UNC13B: variants seen among roughly 807,000 people sequenced by gnomAD.
The protein encoded by UNC13B is protein unc-13 homolog B.
UNC13B carries 144 observed loss-of-function variants against 211.0 expected under a neutral mutation model. The observed-to-expected ratio is 0.68, with a 90% CI of 0.60 to 0.78. The LOEUF is 0.78. UNC13B is among the 30% of genes least tolerant of loss of function. The pLI, the probability that UNC13B is intolerant of heterozygous loss-of-function variation, is 0.00. For missense variants in UNC13B, 1,777 were observed against 2,002.0 expected (o/e 0.89, Z 2.14); for synonymous variants, 709 against 725.8 (o/e 0.98, Z 0.37).
chr9:35,194,798 C>T (rs1473993922), intron 1 of UNC13B, among the ~76,000 whole-genome samples: 5 of 152,192 alleles, frequency 3.3e-5, no homozygotes, highest in Admixed American at 2.0e-4. Context: ...AAATACCCAG[C>T]GTCTGTCATC....
intron 1 of UNC13B, among the ~76,000 whole-genome samples, chr9:35,186,342 A>T (rs907272027): frequency 6.6e-6 from 1 of 152,066 alleles, no homozygotes; most frequent in South Asian, 2.1e-4. Context: ...GCTGAATTCA[A>T]CTCTTCAGGC....
At chr9:35,267,178 T>C (rs1346282668) in intron 7 of UNC13B, among the ~76,000 whole-genome samples, 2 of 152,186 alleles carry the variant, frequency 1.3e-5, no homozygotes, top group Non-Finnish European at 2.9e-5. Context: ...GGCTAGGTGT[T>C]GTGTCTTAGG....
At chr9:35,218,854 A>T (rs1219847501) in intron 1 of UNC13B, among the ~76,000 whole-genome samples, 1 of 151,226 alleles carries the variant, frequency 6.6e-6, no homozygotes, top group East Asian at 1.9e-4. Context: ...GGTTCAAGTG[A>T]TTCTCCTGCC....
chr9:35,287,612 A>G (rs1309188380), intron 7 of UNC13B, among the ~76,000 whole-genome samples: 1 of 152,036 alleles, frequency 6.6e-6, no homozygotes, highest in Admixed American at 6.5e-5. Context: ...CCCACTTCAT[A>G]TAGTCTTTTT....
chr9:35,203,518 A>G (rs1268862515), intron 1 of UNC13B, among the ~76,000 whole-genome samples: 1 of 152,198 alleles, frequency 6.6e-6, no homozygotes, highest in African/African-American at 2.4e-5. Flanking sequence ...AGTTTCTGCC[A>G]AGAGATCTGC....
rs550686103 is a variant in UNC13B, at chr9:35,367,561, G to A, written c.9461+568G>A. On this transcript the variant is annotated intron_variant, in intron 12 of 39. Transcript: ENST00000635942. The stretch of plus-strand genomic sequence containing the variant: ...AATGTGCAATAAATTGTTGTTGACT[G>A]TAGTCACCCTGCTGTGCTATCAATA... Among the ~76,000 whole-genome samples, 26 of 152,204 alleles carry A rather than the reference G, an allele frequency of 1.7e-4. 1 individual carries two copies. In the South Asian group the frequency reaches 5.0e-3, roughly 29 times the overall value.
chr9:35,164,134 A>T (rs1820913328), intron 1 of UNC13B, among the ~76,000 whole-genome samples: 1 of 152,156 alleles, frequency 6.6e-6, no homozygotes, highest in Non-Finnish European at 1.5e-5. Flanking sequence ...CTCATGCCTC[A>T]GCCTCCCGAG....
Position 35,303,019 on chromosome 9 carries a change from C to A in UNC13B, c.3615C>A (p.Phe1205Leu). 2.5e-6 allele frequency: 1 copy of A among 398,664 alleles called. No homozygotes were observed. The highest frequency in any genetic ancestry group is 1.3e-4 in the South Asian group (1 of 7,826). The allele number at this position is 398,664 out of a possible 1,614,324, so 24.7% of individuals were successfully genotyped here. Residue 1205 changes from phenylalanine (F) to leucine (L), a missense_variant, in exon 9 of 40, where the codon TTC becomes TTA. Phe to Leu is a conservative substitution (Grantham distance 22, BLOSUM62 0). Transcript: ENST00000635942. ...MIDHKPEEAKFMSLGNMKSLN... is the reference protein window; with the variant it reads ...MIDHKPEEAKLMSLGNMKSLN... ...ATCATAAACCAGAGGAAGCAAAGTT[C>A]ATGTCTTTAGGCAACATGAAGAGTT...
Position 35,306,225 on chromosome 9 carries a change from A to C in UNC13B, c.6821A>C (p.Glu2274Ala), listed in dbSNP as rs1345582751. 2 of 398,960 alleles carry C rather than the reference A, an allele frequency of 5.0e-6. No homozygotes were observed. The highest frequency in any genetic ancestry group is 2.1e-5 in the African/African-American group (1 of 48,636). The allele number at this position is 398,960 out of a possible 1,614,324, so 24.7% of individuals were successfully genotyped here. A position where few individuals can be genotyped will look rare whatever the true frequency, so the allele number is the denominator to read the frequency against. ...SSGHRDSIAQ[E>A]VVHEQQMAPC... ...GGTCATAGAGATAGCATAGCCCAAG[A>C]AGTAGTTCATGAACAGCAAATGGCA... Residue 2274 changes from glutamate (E) to alanine (A), a missense_variant, in exon 9 of 40, where the codon GAA becomes GCA. Coordinates refer to ENST00000635942, the MANE Select transcript of UNC13B (RefSeq NM_001371189.2).
At position 35,310,449 on chromosome 9, in the gene UNC13B, T is replaced by C. The variant is rs1564127824; in HGVS notation, c.9009-18T>C. 6.2e-7 allele frequency: 1 copy of C among 1,610,036 alleles called. No homozygotes were observed. Among genetic ancestry groups the C allele is most frequent in the Non-Finnish European group, 8.5e-7 (1 of 1,176,926 alleles). On this transcript the variant is annotated intron_variant, in intron 9 of 39. Transcript: ENST00000635942. The stretch of plus-strand genomic sequence containing the variant: ...GATTGCATTTATTTACTTATCTGTC[T>C]TTCTGTCATTCTCACAGCCCCACCA...
At chr9:35,225,728 C>G (rs1004804133) in intron 1 of UNC13B, among the ~76,000 whole-genome samples, 1 of 151,936 alleles carries the variant, frequency 6.6e-6, no homozygotes, top group Non-Finnish European at 1.5e-5. Flanking sequence ...TTGCTGGGGA[C>G]TGATATGCCA....
intron 7 of UNC13B, among the ~76,000 whole-genome samples, chr9:35,282,887 T>G (rs1302180120): frequency 6.6e-6 from 1 of 152,184 alleles, no homozygotes; most frequent in East Asian, 1.9e-4. Context: ...GCTCAAAACA[T>G]TCCTATAAGT....
intron 1 of UNC13B, among the ~76,000 whole-genome samples, chr9:35,219,286 A>G (rs1196641589): frequency 6.6e-6 from 1 of 152,084 alleles, no homozygotes; most frequent in Admixed American, 6.5e-5. Context: ...TTGAGTGCAG[A>G]GTCTTTGCCC....
At chr9:35,362,906 T>C (rs568414101) in intron 11 of UNC13B, among the ~76,000 whole-genome samples, 231 of 152,156 alleles carry the variant, frequency 1.5e-3, no homozygotes, top group Middle Eastern at 6.8e-3. Flanking sequence ...GAAGGATGAA[T>C]GTAACTTAGG....
intron 7 of UNC13B, among the ~76,000 whole-genome samples, chr9:35,291,749 T>C (rs1328445447): frequency 2.0e-5 from 3 of 152,124 alleles, no homozygotes; most frequent in Non-Finnish European, 4.4e-5. Context: ...ACATTACTGG[T>C]TGTGTTACCC....
intron 1 of UNC13B, among the ~76,000 whole-genome samples, chr9:35,166,019 A>G (rs1821018794): frequency 6.6e-6 from 1 of 152,170 alleles, no homozygotes; most frequent in Non-Finnish European, 1.5e-5. Flanking sequence ...CCCAGTGTTT[A>G]TAACATAGTT....
intron 1 of UNC13B, among the ~76,000 whole-genome samples, chr9:35,182,953 G>A (rs562695480): frequency 6.6e-5 from 10 of 152,012 alleles, no homozygotes; most frequent in Non-Finnish European, 1.0e-4. Context: ...AACCGCCATC[G>A]TCATCATGGC....
intron 7 of UNC13B, among the ~76,000 whole-genome samples, chr9:35,259,867 A>G (rs773374518): frequency 3.3e-5 from 5 of 150,562 alleles, no homozygotes; most frequent in Non-Finnish European, 7.4e-5. Context: ...TCCATCAACT[A>G]CAAGTTGAAG....
intron 6 of UNC13B, among the ~76,000 whole-genome samples, chr9:35,247,861 G>C (rs1826198584): frequency 6.6e-6 from 1 of 152,106 alleles, no homozygotes; most frequent in South Asian, 2.1e-4. Context: ...GGATGATGCT[G>C]GCCTCATAAA....
Sources: allele counts gnomAD v4.1 joint callset (sites outside exome capture counted in the v4.1 genomes callset), GRCh38; gene constraint gnomAD v4.1.1; transcripts MANE v1.5; gene names NCBI Gene and HGNC (gene_info 2026-07-23, HGNC 2026-07-21).